The following MYH7B variants were observed in gnomAD, a reference collection of about 807,000 sequenced individuals.
MYH7B encodes myosin-7B.
Under a neutral mutation model 234.5 loss-of-function variants are expected in MYH7B, and 205 were observed. The observed-to-expected ratio is 0.87, with a 90% confidence interval of 0.78 to 0.98. The LOEUF (loss-of-function observed/expected upper bound fraction) is 0.98. Ranked by LOEUF, MYH7B falls within the 50% of genes least tolerant of loss-of-function variation. MYH7B has a pLI of 0.00. For synonymous variants in MYH7B, 1,193 were observed against 1,105.0 expected, an observed-to-expected ratio of 1.08 and a Z score of -1.58; for missense variants, 2,652 against 2,633.4, an observed-to-expected ratio of 1.01 and a Z score of -0.15.
Position 34,991,133 on chromosome 20 carries a change from C to T in MYH7B, c.2183+12C>T, listed in dbSNP as rs368190836. The stretch of plus-strand genomic sequence containing the variant: ...GACTTCCGGCAGCGGTGGGTGACCC[C>T]TTCCCCCTGCCTGCTGCTCCAGGTG... On this transcript the variant is annotated intron_variant, in intron 24 of 44. Transcript: ENST00000262873. 47 of 1,577,438 alleles carry T rather than the reference C, an allele frequency of 3.0e-5. No homozygotes were observed. The Admixed American group carries it at 4.5e-4, about 15-fold the overall frequency.
chr20:34,958,268 G>A (rs1164761110), intron 2 of MYH7B, among the ~76,000 whole-genome samples, 56 bp downstream of exon 2: 1 of 152,244 alleles, frequency 6.6e-6, no homozygotes, highest in East Asian at 1.9e-4. Flanking sequence ...CAGAAGTTAC[G>A]TGACTTGTTC....
rs773714865 is a variant in MYH7B at position 34,989,807 on chromosome 20, G to A, written c.1655G>A (p.Arg552Gln). The A allele has an allele frequency of 6.3e-5, 101 of 1,614,034 alleles. 2 individuals carry two copies. In the South Asian group the frequency reaches 8.6e-4, roughly 14 times the overall value. ...CCCAAGGCCTCAGACGCCAGCTTCC[G>A]GGCCAAGCTCTACGACAACCACGCG... Residue 552 changes from arginine (R) to glutamine (Q), a missense_variant, in exon 20 of 45, where the codon CGG becomes CAG. Physicochemically the swap from Arg to Gln is conservative, Grantham distance 43 (BLOSUM62 1). Coordinates refer to ENST00000262873, the Ensembl canonical transcript of MYH7B.
At position 34,986,213 on chromosome 20, in the gene MYH7B, G is replaced by T. The variant is rs761417341; in HGVS notation, c.904+15G>T. 1.3e-6 allele frequency: 2 copies of T among 1,571,508 alleles called. No homozygotes were observed. Among genetic ancestry groups the T allele is most frequent in the Non-Finnish European group, 8.7e-7 (1 of 1,155,492 alleles). On this transcript the variant is annotated intron_variant, in intron 14 of 44. Transcript: ENST00000262873. ...AGAGCTGCAGGGTGAGGGGCAGTAC[G>T]ATGAAGGGGGTGGGAGTCAGAACCT...
Position 34,997,370 on chromosome 20 carries a change from G to A in MYH7B, c.3477G>A (p.Glu1159=), listed in dbSNP as rs1038343238. 4 of 1,525,334 alleles carry A rather than the reference G, an allele frequency of 2.6e-6. No homozygotes were observed. In the African/African-American group the frequency reaches 4.2e-5, roughly 16 times the overall value. The allele number at this position is 1,525,334 out of a possible 1,614,324, so 94.5% of individuals were successfully genotyped here. The change falls in exon 32 of 45, where the codon GAG becomes GAA. Residue 1159 remains glutamate, a synonymous_variant. Transcript: ENST00000262873. Reference sequence around the variant, plus strand: ...AGGAGCTGAGCGAGCGGCTGGAGGAGGCAGGCGGCGCATCCGCGGGGCAGC... The same window carrying A: ...AGGAGCTGAGCGAGCGGCTGGAGGAAGCAGGCGGCGCATCCGCGGGGCAGC...
chr20:34,962,800 T>G (rs1385875931), intron 2 of MYH7B, among the ~76,000 whole-genome samples: 3 of 152,072 alleles, frequency 2.0e-5, no homozygotes, highest in African/African-American at 4.8e-5. Flanking sequence ...CCTTTCCATG[T>G]ACTTTAAGTC....
chr20:34,974,881 C>G (rs2081832287), intron 2 of MYH7B, among the ~76,000 whole-genome samples: 1 of 152,212 alleles, frequency 6.6e-6, no homozygotes, highest in Non-Finnish European at 1.5e-5. Flanking sequence ...GACCAAGCTC[C>G]TGCCCTTGTG....
rs1056791073 is a variant in MYH7B, at chr20:34,975,380, T to C, written c.-221-20T>C. On this transcript the variant is annotated intron_variant, in intron 2 of 44. Coordinates refer to ENST00000262873, the Ensembl canonical transcript of MYH7B. ...CCACCATGCCTGGCTAATTTTTGTT[T>C]GTTTGTTTGTTTGTTGTAGAGATGG... The C allele has an allele frequency of 5.1e-6, 3 of 582,602 alleles. No individual in the cohort carries two copies. Among genetic ancestry groups the C allele is most frequent in the Non-Finnish European group, 9.4e-6 (3 of 320,742 alleles). 36.1% of individuals were successfully genotyped at this position (582,602 alleles called of 1,614,324 possible).
At chr20:34,983,365 T>C (rs1366889278) in intron 10 of MYH7B, among the ~76,000 whole-genome samples, 1 of 123,716 alleles carries the variant, frequency 8.1e-6, no homozygotes, top group Non-Finnish European at 1.8e-5. Flanking sequence ...TGATTTTCAT[T>C]TCAGTTTTGT....
intron 24 of MYH7B, among the ~76,000 whole-genome samples, chr20:34,992,584 G>C (rs1321807033): frequency 8.4e-6 from 1 of 119,306 alleles, no homozygotes; most frequent in South Asian, 2.6e-4. Context: ...TTTTTGAGAC[G>C]GAGTCTTGCT....
chr20:35,001,610 G>C (rs1472898550), intron 43 of MYH7B, 84 bp downstream of exon 43: 1 of 1,224,236 alleles, frequency 8.2e-7, no homozygotes, highest in Admixed American at 2.1e-5. Flanking sequence ...ATCAGCAGCA[G>C]CTCCACCCTC....
Position 34,997,157 on chromosome 20 carries a change from A to T in MYH7B, c.3341A>T (p.Lys1114Met), listed in dbSNP as rs201622278. 230 of 1,549,804 alleles carry T rather than the reference A, an allele frequency of 1.5e-4. No homozygotes were observed. Among genetic ancestry groups the T allele is most frequent in the African/African-American group, 5.1e-4 (37 of 73,100 alleles). The change falls in exon 31 of 45, where the codon AAG becomes ATG. Residue 1114 changes from lysine to methionine, a missense_variant. Lys to Met is a moderately conservative substitution (Grantham distance 95, BLOSUM62 -1). Around this residue, in one of 3 missense-constraint regions of MYH7B, gnomAD observed 2,279 missense variants for 2,211.4 expected, o/e 1.03. Transcript: ENST00000262873. ...CTCTTGGGGGCCCAGATGCAGAAGA[A>T]GATCAAGGAGCTGCAGGTGCGTGGG... is the stretch of plus-strand genomic sequence containing the variant.
intron 28 of MYH7B, 71 bp from the exon 29 acceptor site, chr20:34,996,275 C>A: frequency 6.6e-7 from 1 of 1,510,572 alleles, no homozygotes. Context: ...CTTGCTCTGA[C>A]CTGGTGTGGT....
intron 27 of MYH7B, among the ~76,000 whole-genome samples, chr20:34,994,738 G>A (rs893314742): frequency 2.0e-5 from 3 of 152,252 alleles, no homozygotes; most frequent in African/African-American, 7.2e-5. Context: ...GTAACAGGGT[G>A]ATAGCCAGAG....
intron 10 of MYH7B, 67 bp downstream of exon 10, chr20:34,982,622 CTTT>C (rs541168287): frequency 3.4e-5 from 36 of 1,061,726 alleles, no homozygotes; most frequent in African/African-American, 5.0e-5. Flanking sequence ...TTCTTCCTCT[CTTT>C]TTTTTTTTTC....
intron 30 of MYH7B, 126 bp from the exon 31 acceptor site, chr20:34,996,957 C>A: frequency 7.8e-7 from 1 of 1,275,482 alleles, no homozygotes; most frequent in Non-Finnish European, 1.1e-6. Context: ...GGCCTCAGGG[C>A]CCAGTGCAGC....
At chr20:34,999,090 G>A (rs1441490755) in exon 36 of MYH7B, 3 of 1,612,816 alleles carry the variant, frequency 1.9e-6, no homozygotes, top group Admixed American at 3.3e-5. Flanking sequence ...GGAGGCAGAG[G>A]AGGGCGTGGA....
intron 7 of MYH7B, chr20:34,980,366 T>A (rs1388293919): frequency 2.2e-5 from 11 of 495,976 alleles, no homozygotes; most frequent in Non-Finnish European, 7.2e-6. Flanking sequence ...CTGGCCAACA[T>A]GGTGAAACCC....
chr20:34,996,415 G>T lies in MYH7B; in HGVS notation c.3013G>T (p.Ala1005Ser), dbSNP rs761766597. 4 of 1,613,306 alleles carry T rather than the reference G, an allele frequency of 2.5e-6. No individual in the cohort carries two copies. The South Asian group carries it at 4.4e-5, about 18-fold the overall frequency. Reference sequence around the variant, plus strand: ...GGCCCGGCTGACCAAGGAGAAGAAGGCGTTGCAGGAGGCCCACCAACAGGC... The same window carrying T: ...GGCCCGGCTGACCAAGGAGAAGAAGTCGTTGCAGGAGGCCCACCAACAGGC... The change falls in exon 29 of 45, where the codon GCG becomes TCG. Residue 1005 changes from alanine to serine, a missense_variant. Physicochemically the swap from Ala to Ser is moderately conservative, Grantham distance 99. Around this residue, in one of 3 missense-constraint regions of MYH7B, gnomAD observed 2,279 missense variants for 2,211.4 expected, o/e 1.03. Coordinates refer to ENST00000262873, the Ensembl canonical transcript of MYH7B.
At chr20:34,958,135 T>C (rs1215580070) in exon 2 of MYH7B, among the ~76,000 whole-genome samples, 1 of 152,176 alleles carries the variant, frequency 6.6e-6, no homozygotes, top group Non-Finnish European at 1.5e-5. Flanking sequence ...GTGATGAGTA[T>C]CAGGTGTCTA....
Sources: gnomAD v4.1 joint callset for allele counts (sites outside exome capture counted in the v4.1 genomes callset) on GRCh38, gnomAD v4.1.1 for gene constraint, gnomAD v4.1.1 regional missense constraint, MANE v1.5 for transcripts, NCBI Gene and HGNC (gene_info 2026-07-23, HGNC 2026-07-21) for gene names.